The following ADGRG1 variants were observed in gnomAD, a reference collection of about 807,000 sequenced individuals.
ADGRG1 encodes the protein 7-transmembrane protein with no EGF-like N-terminal domains-1.
Under a neutral mutation model 73.5 loss-of-function variants are expected in ADGRG1, and 53 were observed. The ratio of observed to expected loss-of-function variants is 0.72; its 90% confidence interval spans 0.58 to 0.91. ADGRG1 has a LOEUF of 0.91. Among genes scored for constraint, ADGRG1 ranks in the 40% least tolerant of loss-of-function variants. The probability of loss-of-function intolerance (pLI) is 0.00; values close to 1 mark genes in which losing one functional copy is unlikely to be tolerated. For synonymous variants in ADGRG1, 394 were observed against 374.4 expected, an observed-to-expected ratio of 1.05 and a Z score of -0.60; for missense variants, 795 against 871.8, an observed-to-expected ratio of 0.91 and a Z score of 1.11.
intron 1 of ADGRG1, chr16:57,636,150 C>A (rs2039314595): frequency 1.0e-6 from 1 of 985,372 alleles, no homozygotes; most frequent in Non-Finnish European, 1.2e-6. Context: ...ACCCACTTTT[C>A]TTTGCACATC....
Position 57,661,588 on chromosome 16 carries a change from C to A in ADGRG1, c.1665-109C>A, listed in dbSNP as rs145390657. The A allele has an allele frequency of 4.0e-4, 616 of 1,522,618 alleles. 1 individual carries two copies. The African/African-American group carries it at 7.7e-3, about 19-fold the overall frequency. The allele number at this position is 1,522,618 out of a possible 1,614,324, so 94.3% of individuals were successfully genotyped here. ...ATCAACACTGTAAATAGAAAACAAG[C>A]GCACTTGCTGTAAACAGTGGATAAT... On this transcript the variant is annotated intron_variant, in intron 12 of 13. Coordinates refer to ENST00000562631, the MANE Select transcript of ADGRG1 (RefSeq NM_201525.4).
chr16:57,653,117 C>T, intron 3 of ADGRG1, 86 bp from the exon 4 acceptor site: 1 of 1,595,492 alleles, frequency 6.3e-7, no homozygotes, highest in Non-Finnish European at 8.5e-7. Context: ...CATTCAGAGT[C>T]ATGTCAGGGT....
upstream of ADGRG1, chr16:57,624,301 A>G (rs2035420651): frequency 4.0e-6 from 1 of 250,784 alleles, no homozygotes; most frequent in Non-Finnish European, 6.3e-6. Flanking sequence ...GGAGTTCAAG[A>G]CTAGCGTGGG....
intron 1 of ADGRG1, chr16:57,635,953 C>T: frequency 1.0e-6 from 1 of 985,398 alleles, no homozygotes; most frequent in Non-Finnish European, 1.2e-6. Context: ...TACGTGGCTC[C>T]CTGCCCTGCC....
chr16:57,639,702 C>A (rs1597244979), intron 1 of ADGRG1: 1 of 974,344 alleles, frequency 1.0e-6, no homozygotes. Flanking sequence ...TCCCCTCCTC[C>A]CCGTCCCTTT....
chr16:57,644,149 C>T, intron 1 of ADGRG1: 1 of 985,176 alleles, frequency 1.0e-6, no homozygotes, highest in Non-Finnish European at 1.2e-6. Flanking sequence ...GTCTGTTCCT[C>T]TGAGGAGCTC....
In ADGRG1 at chr16:57,663,090, T is replaced by A. The variant is rs939990399; in HGVS notation, c.1934-362T>A. ...ATCATAGTGCTATTAATTTGAGGGG[T>A]GCAAAATCTCACAGTGCTTAAGTGG... On this transcript the variant is annotated intron_variant, in intron 13 of 13. Coordinates refer to ENST00000562631, the MANE Select transcript of ADGRG1 (RefSeq NM_201525.4). The A allele has an allele frequency of 5.1e-6, 5 of 984,540 alleles. No homozygotes were observed. In the African/African-American group the frequency reaches 8.7e-5, roughly 17 times the overall value. The allele number at this position is 984,540 out of a possible 1,614,324, so 61.0% of individuals were successfully genotyped here.
At chr16:57,660,584 C>A in intron 11 of ADGRG1, 184 bp from the exon 12 acceptor site, 1 of 888,342 alleles carries the variant, frequency 1.1e-6, no homozygotes, top group Non-Finnish European at 1.3e-6. Flanking sequence ...TTATAGGAAA[C>A]CCATACTGGA....
Position 57,644,596 on chromosome 16 carries a change from T to G in ADGRG1, c.-35-5657T>G, listed in dbSNP as rs1218211277. The stretch of plus-strand genomic sequence containing the variant: ...ACAAGCACACACACTGATCACACAC[T>G]CATGCAAGGGCACACACCCATGCGC... On this transcript the variant is annotated intron_variant, in intron 1 of 13. Transcript: ENST00000562631. Among the ~76,000 whole-genome samples the G allele has an allele frequency of 4.6e-5, 6 of 131,256 alleles. No individual in the cohort carries two copies. In the Admixed American group the frequency reaches 4.8e-4, roughly 11 times the overall value. The allele number at this position is 131,256 out of a possible 152,430, so 86.1% of individuals were successfully genotyped here. A position where few individuals can be genotyped will look rare whatever the true frequency, so the allele number is the denominator to read the frequency against.
chr16:57,623,408 T>G (rs932065839), upstream of ADGRG1, among the ~76,000 whole-genome samples: 2 of 152,216 alleles, frequency 1.3e-5, no homozygotes, highest in East Asian at 3.8e-4. Context: ...AGGGAGCCAG[T>G]TAGATGGAGT....
At chr16:57,660,934 G>A in intron 12 of ADGRG1, 58 bp downstream of exon 12, 2 of 1,028,236 alleles carry the variant, frequency 1.9e-6, no homozygotes, top group Non-Finnish European at 3.0e-6. Context: ...AGAGGCCAGA[G>A]TGCAGCCCGG....
intron 1 of ADGRG1, chr16:57,636,468 T>C: frequency 1.0e-6 from 1 of 985,294 alleles, no homozygotes; most frequent in Non-Finnish European, 1.2e-6. Context: ...AACCGTTCTC[T>C]GGCCAAGCAG....
intron 3 of ADGRG1, 148 bp from the exon 4 acceptor site, chr16:57,653,054 TC>T: frequency 6.5e-7 from 1 of 1,536,004 alleles, no homozygotes; most frequent in Non-Finnish European, 8.7e-7. Flanking sequence ...CTTGGCAGAG[TC>T]CACTCTGCTT....
At chr16:57,644,998 G>A (rs2042204494) in intron 1 of ADGRG1, 2 of 871,684 alleles carry the variant, frequency 2.3e-6, no homozygotes, top group African/African-American at 1.9e-5. Flanking sequence ...ACACACACAT[G>A]CACACTCATG....
upstream of ADGRG1, chr16:57,623,000 G>T: frequency 1.0e-6 from 1 of 985,444 alleles, no homozygotes; most frequent in East Asian, 1.1e-4. Context: ...TTGGCATGTG[G>T]TCAAGTTGCC....
intron 1 of ADGRG1, chr16:57,635,561 C>A (rs1420306483): frequency 1.5e-5 from 15 of 985,262 alleles, no homozygotes; most frequent in Admixed American, 6.1e-5. Context: ...GGAGTCAGAA[C>A]CTTTAGTGAT....
chr16:57,653,720 T>C (rs891631190), intron 4 of ADGRG1: 6 of 835,826 alleles, frequency 7.2e-6, no homozygotes, highest in Non-Finnish European at 8.6e-6. Flanking sequence ...ACCACACCAT[T>C]GCTCTCCTTT....
Position 57,651,601 on chromosome 16 carries a change from A to G in ADGRG1, c.466A>G (p.Ser156Gly), listed in dbSNP as rs774670158. 1 of 1,613,910 alleles carries G rather than the reference A, an allele frequency of 6.2e-7. No individual in the cohort carries two copies. The highest frequency in any genetic ancestry group is 1.1e-5 in the South Asian group (1 of 91,080). The change falls in exon 3 of 14, where the codon AGC (serine) becomes GGC (glycine). Residue 156 changes from serine (S) to glycine (G), a missense_variant. By Grantham distance (56) the Ser-to-Gly change is moderately conservative. Transcript: ENST00000562631. ...PQNISLPSAA[S>G]FTFSFHSPPH... The stretch of plus-strand genomic sequence containing the variant: ...GAACATCAGCCTGCCCAGTGCCGCC[A>G]GCTTCACCTTCTCCTTCCACAGTAA...
upstream of ADGRG1, chr16:57,628,261 AT>A (rs2036296983): frequency 2.3e-6 from 2 of 851,948 alleles, no homozygotes; most frequent in Admixed American, 6.2e-5. Context: ...GGCGGACAGC[AT>A]CCAAGGGCCC....
Sources: allele counts gnomAD v4.1 joint callset (sites outside exome capture counted in the v4.1 genomes callset), GRCh38; gene constraint gnomAD v4.1.1; transcripts MANE v1.5; gene names NCBI Gene and HGNC (gene_info 2026-07-23, HGNC 2026-07-21).